Variants in POLQ observed in about 807,000 individuals in gnomAD.
POLQ encodes the protein DNA polymerase theta.
A neutral mutation model predicts 259.2 loss-of-function variants in POLQ; 233 were observed. That is an observed-to-expected ratio of 0.90 (90% confidence interval 0.81 to 1.00). The LOEUF (loss-of-function observed/expected upper bound fraction) is 1.00, where lower values mean the gene tolerates loss of function less well. Among genes scored for constraint, POLQ ranks in the 50% least tolerant of loss-of-function variants. POLQ has a pLI of 0.00. For missense variants in POLQ, 2,871 were observed against 3,051.6 expected, an observed-to-expected ratio of 0.94 and a Z score of 1.39; for synonymous variants, 1,025 against 1,048.8, an observed-to-expected ratio of 0.98 and a Z score of 0.44.
At chr3:121,480,278 T>C (rs1247505939) in intron 19 of POLQ, among the ~76,000 whole-genome samples, 2 of 152,080 alleles carry the variant, frequency 1.3e-5, no homozygotes, top group Non-Finnish European at 2.9e-5. Flanking sequence ...TCTTTCTATG[T>C]CAGATGAGAA....
intron 25 of POLQ, among the ~76,000 whole-genome samples, chr3:121,458,096 G>T (rs2108782969): frequency 6.6e-6 from 1 of 152,180 alleles, no homozygotes; most frequent in East Asian, 1.9e-4. Flanking sequence ...GGACATGGAT[G>T]AAATTGGAAA....
At chr3:121,505,774 C>G (rs2048203635) in intron 12 of POLQ, among the ~76,000 whole-genome samples, 1 of 150,776 alleles carries the variant, frequency 6.6e-6, no homozygotes, top group African/African-American at 2.4e-5. Flanking sequence ...TTTGGGAGGC[C>G]AAGGCAGGTG....
chr3:121,457,315 T>C (rs941341058), intron 25 of POLQ, among the ~76,000 whole-genome samples: 1 of 152,194 alleles, frequency 6.6e-6, no homozygotes, highest in Non-Finnish European at 1.5e-5. Flanking sequence ...ATTCAGGACA[T>C]AGGCATGGGC....
chr3:121,543,231 T>C (rs1435809582), intron 2 of POLQ, among the ~76,000 whole-genome samples: 2 of 152,202 alleles, frequency 1.3e-5, no homozygotes, highest in Non-Finnish European at 2.9e-5. Context: ...TTTCAAGCAA[T>C]TGAAATGGTC....
intron 25 of POLQ, among the ~76,000 whole-genome samples, chr3:121,450,160 A>C (rs1473974174): frequency 1.3e-5 from 2 of 152,174 alleles, no homozygotes; most frequent in Non-Finnish European, 2.9e-5. Flanking sequence ...TATCTGCATC[A>C]TGGGATTGTT....
intron 27 of POLQ, among the ~76,000 whole-genome samples, chr3:121,438,569 C>T (rs549156826): frequency 6.6e-6 from 1 of 152,290 alleles, no homozygotes; most frequent in South Asian, 2.1e-4. Flanking sequence ...TCCATTCCTA[C>T]CAGTTTGGCT....
intron 12 of POLQ, among the ~76,000 whole-genome samples, chr3:121,507,888 C>CT (rs1031833435): frequency 1.3e-5 from 2 of 152,032 alleles, no homozygotes; most frequent in Non-Finnish European, 2.9e-5. Context: ...AGGTCTCTTG[C>CT]TGTCACCAAG....
At chr3:121,447,210 T>A (rs2047639346) in intron 26 of POLQ, among the ~76,000 whole-genome samples, 1 of 145,488 alleles carries the variant, frequency 6.9e-6, no homozygotes, top group Non-Finnish European at 1.5e-5. Flanking sequence ...TCGCCCTGTC[T>A]CCCAGGCTGG....
intron 26 of POLQ, among the ~76,000 whole-genome samples, chr3:121,441,398 C>T (rs193032165): frequency 6.6e-6 from 1 of 152,304 alleles, no homozygotes; most frequent in Non-Finnish European, 1.5e-5. Flanking sequence ...AGTCAGGCCC[C>T]ATGATCACCC....
chr3:121,433,765 T>C (rs1181677440), intron 28 of POLQ, among the ~76,000 whole-genome samples: 1 of 152,230 alleles, frequency 6.6e-6, no homozygotes, highest in African/African-American at 2.4e-5. Flanking sequence ...ACACCTTTAC[T>C]GGAACTGCCT....
chr3:121,486,999 TACA>T (rs1257323504), intron 16 of POLQ, among the ~76,000 whole-genome samples: 1 of 152,080 alleles, frequency 6.6e-6, no homozygotes, highest in Non-Finnish European at 1.5e-5. Flanking sequence ...ACCATTATGT[TACA>T]ACATTAATAT....
At chr3:121,433,172 C>T in intron 28 of POLQ, 139 bp from the exon 29 acceptor site, 1 of 627,560 alleles carries the variant, frequency 1.6e-6, no homozygotes, top group Non-Finnish European at 2.9e-6. Context: ...AGGAAAATAA[C>T]TACTTGCTGG....
Position 121,439,016 on chromosome 3 carries a change from G to A in POLQ, c.7389+976C>T, listed in dbSNP as rs181572101. ...AGCACTAAAACACAAAGTTATGGGT[G>A]AAGGGCAAAAAACATCTAGTTAAAA... On this transcript the variant is annotated intron_variant, in intron 27 of 29. Transcript: ENST00000264233. Among the ~76,000 whole-genome samples, 971 of 152,166 alleles carry A rather than the reference G, an allele frequency of 6.4e-3. 6 individuals carry two copies. The highest frequency in any genetic ancestry group is 0.011 in the Non-Finnish European group (747 of 67,976).
chr3:121,540,889 T>C (rs1484233559), intron 3 of POLQ, among the ~76,000 whole-genome samples: 1 of 114,078 alleles, frequency 8.8e-6, no homozygotes, highest in East Asian at 3.8e-4. Flanking sequence ...TTCTGTAAAT[T>C]TTTTTAATTT....
At chr3:121,473,238 G>A (rs190310199) in intron 21 of POLQ, 112 bp downstream of exon 21, 32 of 963,264 alleles carry the variant, frequency 3.3e-5, no homozygotes, top group African/African-American at 3.3e-5. Context: ...TTATATCTGG[G>A]TAAATTCAAA....
At position 121,519,864 on chromosome 3, in the gene POLQ, C is replaced by T; in HGVS notation, c.1468+7G>A. 2 of 1,439,152 alleles carry T rather than the reference C, an allele frequency of 1.4e-6. No individual in the cohort carries two copies. The highest frequency in any genetic ancestry group is 1.1e-5 in the South Asian group (1 of 87,392). 89.1% of individuals were successfully genotyped at this position (1,439,152 alleles called of 1,614,324 possible). On this transcript the variant is annotated splice_region_variant and intron_variant, in intron 9 of 29. Transcript: ENST00000264233. Reference sequence around the variant, plus strand: ...ATGCTGCTACAATTAAATTCAAACTCACTTACCTACTGTGTCCACTCCTTT... The same window carrying T: ...ATGCTGCTACAATTAAATTCAAACTTACTTACCTACTGTGTCCACTCCTTT...
At chr3:121,437,667 A>G (rs1009390209) in intron 27 of POLQ, among the ~76,000 whole-genome samples, 1 of 152,204 alleles carries the variant, frequency 6.6e-6, no homozygotes, top group African/African-American at 2.4e-5. Context: ...ATATGCAGCA[A>G]TCCCACCACT....
At chr3:121,455,651 C>T (rs1239519165) in intron 25 of POLQ, among the ~76,000 whole-genome samples, 1 of 152,068 alleles carries the variant, frequency 6.6e-6, no homozygotes, top group Admixed American at 6.5e-5. Context: ...GGATAAATTC[C>T]ACGACACACA....
intron 14 of POLQ, among the ~76,000 whole-genome samples, chr3:121,496,111 GTC>G (rs1489676279): frequency 6.7e-6 from 1 of 148,510 alleles, no homozygotes; most frequent in African/African-American, 2.6e-5. Flanking sequence ...TTTTATAACA[GTC>G]AGACAGGAGT....
Sources: allele counts gnomAD v4.1 joint callset (sites outside exome capture counted in the v4.1 genomes callset), GRCh38; gene constraint gnomAD v4.1.1; transcripts MANE v1.5; gene names NCBI Gene and HGNC (gene_info 2026-07-23, HGNC 2026-07-21).